The following COX7B2 variants were observed in gnomAD, a reference collection of about 807,000 sequenced individuals.
COX7B2 encodes cytochrome c oxidase subunit 7B2, also known as cytochrome c oxidase subunit 7B2, mitochondrial.
For synonymous variants in COX7B2, 37 were observed against 32.1 expected (o/e 1.15, Z -0.51); for missense variants, 109 against 95.9 (o/e 1.14, Z -0.57).
intron 2 of COX7B2, among the ~76,000 whole-genome samples, chr4:46,754,623 C>A (rs115249934): frequency 0.012 from 1,490 of 127,438 alleles, 73 homozygotes; most frequent in Non-Finnish European, 0.017. Context: ...CACATCATCA[C>A]GGGGCATGTA....
chr4:46,771,957 T>A (rs551657297), intron 2 of COX7B2, among the ~76,000 whole-genome samples: 2 of 152,166 alleles, frequency 1.3e-5, no homozygotes, highest in African/African-American at 4.8e-5. Context: ...TATTTTTAAC[T>A]TTGGACTTTT....
chr4:46,869,137 T>C (rs748263238), intron 1 of COX7B2, among the ~76,000 whole-genome samples: 10 of 152,208 alleles, frequency 6.6e-5, no homozygotes, highest in Non-Finnish European at 1.3e-4. Flanking sequence ...CCTTTCTTTG[T>C]CTTTTTTGAT....
At chr4:46,818,988 G>A (rs1714059307) in intron 2 of COX7B2, among the ~76,000 whole-genome samples, 2 of 152,144 alleles carry the variant, frequency 1.3e-5, no homozygotes, top group African/African-American at 4.8e-5. Context: ...TAGGGTGCTC[G>A]ATAACTATTT....
At chr4:46,808,255 G>A (rs551122829) in intron 2 of COX7B2, among the ~76,000 whole-genome samples, 43 of 151,564 alleles carry the variant, frequency 2.8e-4, no homozygotes, top group African/African-American at 1.0e-3. Context: ...AGTTAAATTT[G>A]TTCTTGTATA....
intron 1 of COX7B2, among the ~76,000 whole-genome samples, chr4:46,859,048 A>G (rs567855532): frequency 4.9e-4 from 75 of 152,172 alleles, no homozygotes; most frequent in Non-Finnish European, 9.0e-4. Context: ...TTTCAGAGAT[A>G]ATGTGTTGTT....
At chr4:46,851,357 G>A (rs1716666518) in intron 1 of COX7B2, among the ~76,000 whole-genome samples, 1 of 151,992 alleles carries the variant, frequency 6.6e-6, no homozygotes, top group African/African-American at 2.4e-5. Context: ...TTTCAAATCA[G>A]ACATGAAAGA....
At chr4:46,844,521 C>G (rs1017585147) in intron 2 of COX7B2, among the ~76,000 whole-genome samples, 1 of 151,890 alleles carries the variant, frequency 6.6e-6, no homozygotes, top group African/African-American at 2.4e-5. Context: ...AGGGGGCGCT[C>G]TTAACACTGA....
intron 2 of COX7B2, among the ~76,000 whole-genome samples, chr4:46,782,501 T>A (rs1222638915): frequency 2.0e-5 from 2 of 100,838 alleles, no homozygotes; most frequent in Non-Finnish European, 4.3e-5. Context: ...AATGGGCCAA[T>A]CAGCAGGATG....
intron 2 of COX7B2, among the ~76,000 whole-genome samples, chr4:46,836,458 C>A (rs571377650): frequency 2.0e-5 from 3 of 151,842 alleles, no homozygotes; most frequent in Non-Finnish European, 4.4e-5. Context: ...TATCTTCCAT[C>A]TCCACATCTT....
chr4:46,777,919 G>C (rs578199620), intron 2 of COX7B2, among the ~76,000 whole-genome samples: 22 of 152,038 alleles, frequency 1.4e-4, no homozygotes, highest in Non-Finnish European at 2.6e-4. Context: ...TCTTCTCCCA[G>C]GAAAATATAA....
intron 2 of COX7B2, among the ~76,000 whole-genome samples, chr4:46,766,728 CA>C (rs1373036248): frequency 3.4e-5 from 5 of 146,934 alleles, no homozygotes; most frequent in Admixed American, 2.7e-4. Flanking sequence ...AAAAAAGAGT[CA>C]GGGGAAGGGA....
At chr4:46,908,355 C>T (rs78884681) in intron 1 of COX7B2, among the ~76,000 whole-genome samples, 1 of 152,244 alleles carries the variant, frequency 6.6e-6, no homozygotes, top group East Asian at 1.9e-4. Flanking sequence ...ATCACGTGAC[C>T]AACACCCGTT....
chr4:46,862,315 T>C (rs971048468), intron 1 of COX7B2, among the ~76,000 whole-genome samples: 9 of 152,238 alleles, frequency 5.9e-5, no homozygotes, highest in Non-Finnish European at 1.2e-4. Flanking sequence ...TTTGAAGAAA[T>C]AATTGAATCC....
chr4:46,860,232 A>C (rs1160494475), intron 1 of COX7B2, among the ~76,000 whole-genome samples: 2 of 152,236 alleles, frequency 1.3e-5, no homozygotes, highest in East Asian at 3.9e-4. Context: ...TGACAATCCA[A>C]GGTGCAGAGC....
intron 1 of COX7B2, among the ~76,000 whole-genome samples, chr4:46,862,074 T>C (rs995197168): frequency 1.3e-5 from 2 of 152,188 alleles, no homozygotes; most frequent in Non-Finnish European, 2.9e-5. Flanking sequence ...CTGAACACTT[T>C]CTTCAGTTTC....
At chr4:46,774,509 G>T (rs1411203138) in intron 2 of COX7B2, among the ~76,000 whole-genome samples, 1 of 152,022 alleles carries the variant, frequency 6.6e-6, no homozygotes, top group Non-Finnish European at 1.5e-5. Flanking sequence ...TGACTTTAAA[G>T]GGAAAGTGAT....
At chr4:46,828,212 T>C (rs1714826781) in intron 2 of COX7B2, among the ~76,000 whole-genome samples, 1 of 152,136 alleles carries the variant, frequency 6.6e-6, no homozygotes, top group African/African-American at 2.4e-5. Context: ...GGAGGAATAT[T>C]TGCAATGTTT....
chr4:46,846,289 G>GC (rs1716272469), intron 1 of COX7B2, among the ~76,000 whole-genome samples: 1 of 151,944 alleles, frequency 6.6e-6, no homozygotes, highest in Non-Finnish European at 1.5e-5. Flanking sequence ...AGCGATCTGT[G>GC]TCCTCATGAA....
At chr4:46,844,221 T>G (rs1431513813) in intron 2 of COX7B2, among the ~76,000 whole-genome samples, 2 of 151,922 alleles carry the variant, frequency 1.3e-5, no homozygotes, top group Non-Finnish European at 2.9e-5. Flanking sequence ...CCTGTAAAAT[T>G]TTATCGCAAT....
Sources: allele counts gnomAD v4.1 joint callset (sites outside exome capture counted in the v4.1 genomes callset), GRCh38; gene constraint gnomAD v4.1.1; transcripts MANE v1.5; gene names NCBI Gene and HGNC (gene_info 2026-07-23, HGNC 2026-07-21).